MTMR12: variants seen among roughly 807,000 people sequenced by gnomAD.
MTMR12 encodes myotubularin related protein 12, also known as myotubularin-related protein 12.
A neutral mutation model predicts 96.7 loss-of-function variants in MTMR12; 33 were observed. The ratio of observed to expected loss-of-function variants is 0.34; its 90% confidence interval spans 0.26 to 0.46. The LOEUF is 0.46. Ranked by LOEUF, MTMR12 falls within the 20% of genes least tolerant of loss-of-function variation. The pLI is 1.00. For missense variants in MTMR12, 721 were observed against 896.1 expected (o/e 0.80, Z 2.49); for synonymous variants, 298 against 327.2 (o/e 0.91, Z 0.96).
intron 3 of MTMR12, among the ~76,000 whole-genome samples, chr5:32,272,494 C>T (rs923149013): frequency 6.6e-6 from 1 of 151,988 alleles, no homozygotes; most frequent in African/African-American, 2.4e-5. Context: ...AACTTTGCAC[C>T]TCAGCCTCCT....
At chr5:32,261,075 A>G (rs1749345508) in intron 7 of MTMR12, among the ~76,000 whole-genome samples, 2 of 151,392 alleles carry the variant, frequency 1.3e-5, no homozygotes, top group Admixed American at 1.3e-4. Flanking sequence ...TCTACTAAAA[A>G]TACAAAAATT....
rs1554053391 is a variant in MTMR12, at chr5:32,228,569, C to CATATATATGTGATATAT, written c.*1208_*1209insATATATCACATATATAT. ...TCATATATATGTGATATATATATATCATATATATATCATATATATGTGATA... is the reference window on the plus strand; with the variant it reads ...TCATATATATGTGATATATATATATCATATATATGTGATATATATATATATATCATATATATGTGATA... On this transcript the variant is annotated 3_prime_UTR_variant, in exon 16 of 16. Coordinates refer to ENST00000382142, the MANE Select transcript of MTMR12 (RefSeq NM_001040446.3). The CATATATATGTGATATAT allele has an allele frequency of 8.9e-6, 1 of 112,508 alleles. No individual in the cohort carries two copies. The highest frequency in any genetic ancestry group is 1.7e-5 in the Non-Finnish European group (1 of 58,028). 7.0% of individuals were successfully genotyped at this position (112,508 alleles called of 1,614,324 possible).
In MTMR12 at chr5:32,228,595, TATATATATATATC is replaced by T. The variant is rs1218350063; in HGVS notation, c.*1170_*1182del. The T allele has an allele frequency of 3.6e-5, 4 of 110,182 alleles. No individual in the cohort carries two copies. The highest frequency in any genetic ancestry group is 1.1e-4 in the African/African-American group (3 of 27,708). 6.8% of individuals were successfully genotyped at this position (110,182 alleles called of 1,614,324 possible). On this transcript the variant is annotated 3_prime_UTR_variant, in exon 16 of 16. Coordinates refer to ENST00000382142, the MANE Select transcript of MTMR12 (RefSeq NM_001040446.3). ...ATATATATATCATATATATGTGATATATATATATATATCATATATATGATATATATATATCACA... is the reference window on the plus strand; with the variant it reads ...ATATATATATCATATATATGTGATATATATATATGATATATATATATCACA...
At chr5:32,310,610 C>T (rs963844282) in intron 1 of MTMR12, among the ~76,000 whole-genome samples, 2 of 151,226 alleles carry the variant, frequency 1.3e-5, no homozygotes, top group Non-Finnish European at 2.9e-5. Flanking sequence ...AACATTTGAA[C>T]TCATGGAGAC....
chr5:32,261,684 T>C (rs551951895), intron 7 of MTMR12, among the ~76,000 whole-genome samples: 1 of 152,352 alleles, frequency 6.6e-6, no homozygotes, highest in Non-Finnish European at 1.5e-5. Flanking sequence ...AGGTGCCCTG[T>C]TGACTGCTGC....
At chr5:32,303,847 C>CAAAAAAAAAAAAA (rs57459005) in intron 1 of MTMR12, among the ~76,000 whole-genome samples, 1 of 68,400 alleles carries the variant, frequency 1.5e-5, no homozygotes, top group Non-Finnish European at 2.8e-5. Flanking sequence ...TTTGCCATCT[C>CAAAAAAAAAAAAA]AAAAAAAAAA....
intron 1 of MTMR12, among the ~76,000 whole-genome samples, chr5:32,303,956 A>G (rs990883259): frequency 1.7e-4 from 26 of 151,980 alleles, no homozygotes; most frequent in Non-Finnish European, 2.9e-4. Context: ...TATATAATCT[A>G]CCAATATGGA....
chr5:32,306,968 T>C (rs1751387613), intron 1 of MTMR12, among the ~76,000 whole-genome samples: 1 of 152,124 alleles, frequency 6.6e-6, no homozygotes, highest in Non-Finnish European at 1.5e-5. Flanking sequence ...AAGCTAAATT[T>C]TGCCTGGCCA....
chr5:32,239,604 G>A (rs1273369690), intron 12 of MTMR12, among the ~76,000 whole-genome samples: 2 of 152,112 alleles, frequency 1.3e-5, no homozygotes, highest in Non-Finnish European at 2.9e-5. Context: ...CTGGGGTGTG[G>A]ACGCCTCCGT....
intron 10 of MTMR12, among the ~76,000 whole-genome samples, chr5:32,247,285 AG>A (rs1274447214): frequency 6.6e-6 from 1 of 152,170 alleles, no homozygotes; most frequent in African/African-American, 2.4e-5. Context: ...GGGAGTTTTA[AG>A]GTTGCAGTGA....
At chr5:32,253,436 T>G (rs1321086612) in intron 8 of MTMR12, among the ~76,000 whole-genome samples, 2 of 152,130 alleles carry the variant, frequency 1.3e-5, no homozygotes, top group Non-Finnish European at 2.9e-5. Flanking sequence ...AAATGAAAAT[T>G]TTATGTTAAA....
At chr5:32,242,204 A>G in intron 11 of MTMR12, 77 bp from the exon 12 acceptor site, 1 of 1,024,616 alleles carries the variant, frequency 9.8e-7, no homozygotes, top group East Asian at 2.5e-5. Flanking sequence ...GTTGAGAGAG[A>G]GTCTGACTTG....
intron 1 of MTMR12, among the ~76,000 whole-genome samples, chr5:32,288,664 G>T (rs950403707): frequency 6.6e-6 from 1 of 152,200 alleles, no homozygotes; most frequent in African/African-American, 2.4e-5. Flanking sequence ...TAAATTTATT[G>T]ATTTGAGCCC....
rs369740957 is a variant in MTMR12 at position 32,230,183 on chromosome 5, A to G, written c.1839T>C (p.Tyr613=). 49 of 1,614,112 alleles carry G rather than the reference A, an allele frequency of 3.0e-5. No individual in the cohort carries two copies. The highest frequency in any genetic ancestry group is 1.6e-4 in the Middle Eastern group (1 of 6,084). Residue 613 remains tyrosine (Y), a synonymous_variant, in exon 16 of 16, where the codon TAT becomes TAC. Coordinates refer to ENST00000382142, the MANE Select transcript of MTMR12 (RefSeq NM_001040446.3). ...DELQDNFREF[Y]DSWHSKSTDY... is the part of the protein sequence containing the mutation. Reference sequence around the variant, plus strand: ...CAGTGGACTTGCTATGCCAGCTGTCATAGAACTCTCGAAAGTTGTCTTGGA... The same window carrying G: ...CAGTGGACTTGCTATGCCAGCTGTCGTAGAACTCTCGAAAGTTGTCTTGGA...
chr5:32,271,739 T>G (rs1004402481), intron 4 of MTMR12, 94 bp downstream of exon 4: 5 of 766,826 alleles, frequency 6.5e-6, no homozygotes, highest in Non-Finnish European at 9.5e-6. Flanking sequence ...GTGAAAAAAT[T>G]TTTAAAAATT....
At chr5:32,284,757 A>G (rs986981288) in intron 1 of MTMR12, among the ~76,000 whole-genome samples, 3 of 152,160 alleles carry the variant, frequency 2.0e-5, no homozygotes, top group Admixed American at 1.3e-4. Context: ...ACTAACTATC[A>G]TGTTCAATGT....
intron 1 of MTMR12, among the ~76,000 whole-genome samples, chr5:32,280,181 G>C (rs1344692695): frequency 6.6e-6 from 1 of 152,178 alleles, no homozygotes; most frequent in Non-Finnish European, 1.5e-5. Flanking sequence ...TAGAAAAAGG[G>C]TAGGGCCCTG....
intron 7 of MTMR12, among the ~76,000 whole-genome samples, chr5:32,257,264 G>A (rs1351347368): frequency 6.6e-6 from 1 of 152,230 alleles, no homozygotes; most frequent in African/African-American, 2.4e-5. Flanking sequence ...AGGCTGCAAT[G>A]AGCCATCACT....
Position 32,229,712 on chromosome 5 carries a change from C to T in MTMR12, c.*66G>A. On this transcript the variant is annotated 3_prime_UTR_variant, in exon 16 of 16. Coordinates refer to ENST00000382142, the MANE Select transcript of MTMR12 (RefSeq NM_001040446.3). ...CCAGCCAGCATGAGCTGTAGCGTGA[C>T]ACAAATCCAGGGATCAGCTGTCCCA... 6.9e-7 allele frequency: 1 copy of T among 1,450,368 alleles called. No homozygotes were observed. The highest frequency in any genetic ancestry group is 9.2e-7 in the Non-Finnish European group (1 of 1,092,330). 89.8% of individuals were successfully genotyped at this position (1,450,368 alleles called of 1,614,324 possible).
Sources: gnomAD v4.1 joint callset for allele counts (sites outside exome capture counted in the v4.1 genomes callset) on GRCh38, gnomAD v4.1.1 for gene constraint, MANE v1.5 for transcripts, NCBI Gene and HGNC (gene_info 2026-07-23, HGNC 2026-07-21) for gene names.